C1orf159: variants seen among roughly 807,000 people sequenced by gnomAD.
C1orf159 encodes the protein chromosome 1 open reading frame 159.
A neutral mutation model predicts 25.6 loss-of-function variants in C1orf159; 19 were observed. The observed-to-expected ratio is 0.74, with a 90% confidence interval of 0.52 to 1.09. The LOEUF is 1.09. Ranked by LOEUF, C1orf159 falls within the 50% of genes least tolerant of loss-of-function variation. The probability of loss-of-function intolerance (pLI) is 0.00; values close to 1 mark genes in which losing one functional copy is unlikely to be tolerated. For synonymous variants in C1orf159, 139 were observed against 124.7 expected, an observed-to-expected ratio of 1.12 and a Z score of -0.77; for missense variants, 274 against 290.6, an observed-to-expected ratio of 0.94 and a Z score of 0.42.
chr1:1,106,974 T>G (rs1184362256), intron 1 of C1orf159: 1 of 152,388 alleles, frequency 6.6e-6, no homozygotes, highest in African/African-American at 2.4e-5. Flanking sequence ...AGGTTCGAAT[T>G]CTTGCCGGGC....
chr1:1,092,161 G>A (rs557240530), intron 1 of C1orf159, 58 bp from the exon 2 acceptor site: 9 of 354,310 alleles, frequency 2.5e-5, no homozygotes, highest in East Asian at 8.1e-5. Flanking sequence ...CAGGTGGGCC[G>A]TGGCCTACGG....
Position 1,105,790 on chromosome 1 carries a change from C to G in C1orf159, c.-136+10270G>C, listed in dbSNP as rs1251839331. Among the ~76,000 whole-genome samples, 3 of 152,208 alleles carry G rather than the reference C, an allele frequency of 2.0e-5. No individual in the cohort carries two copies. The East Asian group carries it at 5.8e-4, about 29-fold the overall frequency. ...TCGGGAGGCTGAGGCAGGAGAATAG[C>G]ATGAACCTGGGAAGGTGGAGCTTGC... On this transcript the variant is annotated intron_variant, in intron 1 of 9. Transcript: ENST00000421241.
Position 1,086,006 on chromosome 1 carries a change from G to A in C1orf159, c.317C>T (p.Pro106Leu), listed in dbSNP as rs143911328. 260 of 1,612,772 alleles carry A rather than the reference G, an allele frequency of 1.6e-4. 1 individual carries two copies. The South Asian group carries it at 1.7e-3, about 10-fold the overall frequency. The change falls in exon 7 of 10, where the codon CCG (proline) becomes CTG (leucine). Residue 106 changes from proline to leucine, a missense_variant. Coordinates refer to ENST00000421241, the MANE Select transcript of C1orf159 (RefSeq NM_017891.5). ...CAGGAAGAGGGAGGCGGCCACGCGC[G>A]GAGCCCCTGCAAACAGACACCGCTG... ...GTPGRPHPGA[P>L]RVAASLFLGT...
intron 1 of C1orf159, among the ~76,000 whole-genome samples, chr1:1,095,238 C>T (rs191478613): frequency 1.6e-3 from 243 of 152,330 alleles, no homozygotes; most frequent in African/African-American, 5.7e-3. Context: ...TGTGTCAATT[C>T]CTACAAAAAA....
At chr1:1,093,666 G>A (rs1227140419) in intron 1 of C1orf159, among the ~76,000 whole-genome samples, 1 of 152,254 alleles carries the variant, frequency 6.6e-6, no homozygotes, top group Non-Finnish European at 1.5e-5. Flanking sequence ...TTTCCACTGT[G>A]TTGGCCAAAC....
chr1:1,107,142 G>T (rs764047638), intron 1 of C1orf159, among the ~76,000 whole-genome samples: 14 of 152,282 alleles, frequency 9.2e-5, no homozygotes, highest in Admixed American at 2.0e-4. Flanking sequence ...GGGCTGAGGA[G>T]TGTAGCGCAC....
chr1:1,094,174 T>C (rs1444474242), intron 1 of C1orf159, among the ~76,000 whole-genome samples: 1 of 151,726 alleles, frequency 6.6e-6, no homozygotes, highest in Admixed American at 6.6e-5. Flanking sequence ...CGTGGCTCAC[T>C]GCAGCCTTGA....
At chr1:1,084,080 CCCA>C (rs1245580755) in intron 9 of C1orf159, 3 of 1,604,680 alleles carry the variant, frequency 1.9e-6, no homozygotes, top group Admixed American at 3.4e-5. Flanking sequence ...TCCTGCAGAC[CCCA>C]CGTCTCGGGA....
intron 1 of C1orf159, among the ~76,000 whole-genome samples, chr1:1,102,954 G>A (rs147151733): frequency 0.027 from 4,053 of 151,452 alleles, 158 homozygotes; most frequent in African/African-American, 0.09. Context: ...TCAGCCTCCC[G>A]AGTAGCTGGG....
chr1:1,111,033 T>A (rs1259214881), intron 1 of C1orf159, among the ~76,000 whole-genome samples: 1 of 152,240 alleles, frequency 6.6e-6, no homozygotes, highest in Non-Finnish European at 1.5e-5. Context: ...TCAAAACAAT[T>A]GAACTGGACA....
rs148253839 is a variant in C1orf159, at chr1:1,101,566, G to A, written c.-135-9463C>T. 1.2e-3 allele frequency among the ~76,000 whole-genome samples: 186 copies of A among 151,888 alleles called. 7 individuals are homozygous for A. The highest frequency in any genetic ancestry group is 0.011 in the Admixed American group (169 of 15,228). On this transcript the variant is annotated intron_variant, in intron 1 of 9. Transcript: ENST00000421241. ...AGGGTCTGTCAGCTCATGGTCTATCGGCTCAGGGTCCATTGGCTCACATCT... is the reference window on the plus strand; with the variant it reads ...AGGGTCTGTCAGCTCATGGTCTATCAGCTCAGGGTCCATTGGCTCACATCT...
rs1259751298 is a variant in C1orf159 at position 1,110,831 on chromosome 1, A to G, written c.-136+5229T>C. ...TGCAGCACCTCAGAGGAAGCTCAAC[A>G]ACAGTTCTCTGCGTGAGCCGTGGCA... On this transcript the variant is annotated intron_variant, in intron 1 of 9. Coordinates refer to ENST00000421241, the MANE Select transcript of C1orf159 (RefSeq NM_017891.5). This position sits in a 1 kb window ranked among gnomAD's most constrained non-coding sequence, Gnocchi z 4.8. Among the ~76,000 whole-genome samples the G allele has an allele frequency of 3.9e-5, 6 of 152,266 alleles. No individual in the cohort carries two copies. The South Asian group carries it at 8.3e-4, about 21-fold the overall frequency.
chr1:1,084,232 C>A, intron 9 of C1orf159, 121 bp downstream of exon 9: 1 of 1,520,430 alleles, frequency 6.6e-7, no homozygotes, highest in Non-Finnish European at 8.8e-7. Flanking sequence ...TCCTGGGGAC[C>A]CGGGCAGGGG....
rs1330061261 is a variant in C1orf159 at position 1,087,978 on chromosome 1, C to T, written c.149-381G>A. ...GCCCTGAGCACCCCGACCCTGAGTA[C>T]TCCACACTGCGTACTTCAGAGAGTG... is the stretch of plus-strand genomic sequence containing the variant. On this transcript the variant is annotated intron_variant, in intron 4 of 9. Transcript: ENST00000421241. This position sits in a 1 kb window ranked among gnomAD's most constrained non-coding sequence, Gnocchi z 8.3. Among the ~76,000 whole-genome samples, 1 of 151,946 alleles carries T rather than the reference C, an allele frequency of 6.6e-6. No individual in the cohort carries two copies. The highest frequency in any genetic ancestry group is 1.5e-5 in the Non-Finnish European group (1 of 67,980).
chr1:1,108,296 C>T (rs576737249), intron 1 of C1orf159, among the ~76,000 whole-genome samples: 4 of 142,932 alleles, frequency 2.8e-5, no homozygotes, highest in East Asian at 2.1e-4. Flanking sequence ...CACCATGTCT[C>T]GGCACCGTTC....
chr1:1,096,829 A>G (rs1646015128), intron 1 of C1orf159, among the ~76,000 whole-genome samples: 1 of 152,120 alleles, frequency 6.6e-6, no homozygotes, highest in Non-Finnish European at 1.5e-5. Context: ...GGCCCAGGCC[A>G]TCCTCCCACC....
At chr1:1,098,228 C>A (rs1006462820) in intron 1 of C1orf159, among the ~76,000 whole-genome samples, 1 of 151,942 alleles carries the variant, frequency 6.6e-6, no homozygotes, top group Non-Finnish European at 1.5e-5. Flanking sequence ...CACCACCACG[C>A]CCAGCTAATT....
intron 1 of C1orf159, chr1:1,092,491 A>C (rs1367932018): frequency 1.3e-5 from 2 of 153,682 alleles, no homozygotes; most frequent in Non-Finnish European, 2.9e-5. Context: ...TTCCTAAGGG[A>C]GGAAACGCCT....
chr1:1,084,578 G>C, intron 7 of C1orf159, 72 bp from the exon 8 acceptor site: 1 of 1,533,546 alleles, frequency 6.5e-7, no homozygotes, highest in Non-Finnish European at 8.8e-7. Context: ...TGCAGCGTCC[G>C]GGACAGCAGA....
Sources: allele counts gnomAD v4.1 joint callset (sites outside exome capture counted in the v4.1 genomes callset), GRCh38; gene constraint gnomAD v4.1.1; non-coding constraint Gnocchi (gnomAD v3.1); transcripts MANE v1.5; gene names NCBI Gene and HGNC (gene_info 2026-07-23, HGNC 2026-07-21).